Variants in SP4 observed in about 807,000 individuals in gnomAD.
SP4 encodes the protein Sp4 transcription factor.
Under a neutral mutation model 72.8 loss-of-function variants are expected in SP4, and 19 were observed. The ratio of observed to expected loss-of-function variants is 0.26; its 90% CI spans 0.18 to 0.38. SP4 has a LOEUF of 0.38. Among genes scored for constraint, SP4 ranks in the 10% least tolerant of loss-of-function variants. The pLI is 1.00. For missense variants in SP4, 1,008 were observed against 926.3 expected (o/e 1.09, Z -1.14); for synonymous variants, 395 against 333.1 (o/e 1.19, Z -2.02).
chr7:21,454,565 C>T (rs973944285), intron 3 of SP4, among the ~76,000 whole-genome samples: 6 of 152,232 alleles, frequency 3.9e-5, no homozygotes, highest in South Asian at 2.1e-4. Flanking sequence ...AGATAAAAGT[C>T]ATTTTCCTTC....
intron 3 of SP4, among the ~76,000 whole-genome samples, chr7:21,451,665 G>A (rs569201163): frequency 2.6e-5 from 4 of 152,190 alleles, no homozygotes; most frequent in Non-Finnish European, 4.4e-5. Context: ...CTGATGGGCA[G>A]TCTAGGAGTC....
intron 3 of SP4, among the ~76,000 whole-genome samples, chr7:21,440,851 A>AAACAAC (rs779338567): frequency 8.5e-4 from 118 of 138,608 alleles, no homozygotes; most frequent in South Asian, 2.4e-3. Flanking sequence ...CCCTGTCTCA[A>AAACAAC]AACAACAACA....
intron 5 of SP4, among the ~76,000 whole-genome samples, chr7:21,501,342 G>T (rs1056588111): frequency 6.6e-6 from 1 of 151,522 alleles, no homozygotes; most frequent in African/African-American, 2.4e-5. Flanking sequence ...TTCTCACAAA[G>T]TCCCTCCTCT....
intron 3 of SP4, among the ~76,000 whole-genome samples, chr7:21,432,823 G>A (rs2237301): frequency 0.083 from 12,594 of 151,946 alleles, 1,495 homozygotes; most frequent in East Asian, 0.54. Flanking sequence ...GGGAGACCCC[G>A]TCTCTACAAA....
intron 5 of SP4, chr7:21,482,929 G>T (rs1274886374): frequency 5.1e-6 from 1 of 197,088 alleles, no homozygotes; most frequent in Non-Finnish European, 9.2e-6. Flanking sequence ...TGAGGTTATT[G>T]CTAGGGTTTG....
At chr7:21,503,663 G>GCTT in intron 5 of SP4, among the ~76,000 whole-genome samples, 1 of 152,328 alleles carries the variant, frequency 6.6e-6, no homozygotes, top group East Asian at 1.9e-4. Context: ...AAGGGGAAAG[G>GCTT]CTTCTACCCA....
At chr7:21,492,416 A>T (rs568734454) in intron 5 of SP4, among the ~76,000 whole-genome samples, 5 of 152,354 alleles carry the variant, frequency 3.3e-5, no homozygotes, top group African/African-American at 1.2e-4. Flanking sequence ...CTTTTTCAGC[A>T]CCAGCAGGAC....
At chr7:21,507,250 C>T (rs551553723) in intron 5 of SP4, among the ~76,000 whole-genome samples, 1 of 152,336 alleles carries the variant, frequency 6.6e-6, no homozygotes, top group South Asian at 2.1e-4. Flanking sequence ...CAGTCTCTCC[C>T]TGTCCCATGG....
rs899401203 is a variant in SP4, at chr7:21,455,464, G to A, written c.1679-21615G>A. Among the ~76,000 whole-genome samples, 18 of 152,144 alleles carry A rather than the reference G, an allele frequency of 1.2e-4. 1 individual carries two copies. The highest frequency in any genetic ancestry group is 2.9e-5 in the Non-Finnish European group (2 of 68,016). On this transcript the variant is annotated intron_variant, in intron 3 of 5. Transcript: ENST00000222584. ...ACCCATCTGTGAAGAGAGATCAGAG[G>A]AGGAAAAAGAAAAAGAAAGCGTCCC...
chr7:21,442,619 A>G (rs1783297044), intron 3 of SP4, among the ~76,000 whole-genome samples: 3 of 152,352 alleles, frequency 2.0e-5, no homozygotes, highest in Non-Finnish European at 4.4e-5. Flanking sequence ...GGAAAGGGTG[A>G]TAACTGGAGC....
intron 5 of SP4, among the ~76,000 whole-genome samples, chr7:21,504,236 C>T (rs1398934791): frequency 1.3e-5 from 2 of 152,176 alleles, no homozygotes; most frequent in East Asian, 3.9e-4. Context: ...CTTTCTAAAA[C>T]CTGTTTGACC....
chr7:21,502,406 A>G (rs1439344954), intron 5 of SP4, among the ~76,000 whole-genome samples: 1 of 152,080 alleles, frequency 6.6e-6, no homozygotes, highest in Non-Finnish European at 1.5e-5. Flanking sequence ...TTCCCTGTAG[A>G]GAATGAGGGG....
In SP4 at chr7:21,512,459, G is replaced by A. The variant is rs1004340563; in HGVS notation, c.*1190G>A. On this transcript the variant is annotated 3_prime_UTR_variant, in exon 6 of 6. Coordinates refer to ENST00000222584, the MANE Select transcript of SP4 (RefSeq NM_003112.5). ...TAATATATAATAGATATATTATGAA[G>A]CAAAACTTTTATTTTTGAAAAGGCA... The A allele has an allele frequency of 5.9e-5, 9 of 151,614 alleles. No homozygotes were observed. Among genetic ancestry groups the A allele is most frequent in the African/African-American group, 1.7e-4 (7 of 41,276 alleles). 9.4% of individuals were successfully genotyped at this position (151,614 alleles called of 1,614,324 possible). A position where few individuals can be genotyped will look rare whatever the true frequency, so the allele number is the denominator to read the frequency against.
chr7:21,460,988 A>T (rs1413908461), intron 3 of SP4, among the ~76,000 whole-genome samples: 1 of 152,030 alleles, frequency 6.6e-6, no homozygotes, highest in Non-Finnish European at 1.5e-5. Context: ...TGCATTTCCA[A>T]ACCTTGAGCT....
chr7:21,479,486 C>G (rs1784614193), intron 4 of SP4, among the ~76,000 whole-genome samples: 1 of 152,132 alleles, frequency 6.6e-6, no homozygotes, highest in Non-Finnish European at 1.5e-5. Context: ...TTCCATTGAT[C>G]TATATGACTA....
chr7:21,456,658 A>G (rs541782293), intron 3 of SP4, among the ~76,000 whole-genome samples: 39 of 152,348 alleles, frequency 2.6e-4, no homozygotes, highest in Non-Finnish European at 4.1e-4. Context: ...GATTACCCAC[A>G]GGGAAAACAG....
At chr7:21,444,825 C>G (rs566643644) in intron 3 of SP4, among the ~76,000 whole-genome samples, 3 of 152,258 alleles carry the variant, frequency 2.0e-5, no homozygotes, top group East Asian at 3.9e-4. Flanking sequence ...CTTTATAAAA[C>G]AAGTCCGGGT....
chr7:21,475,883 A>G lies in SP4; in HGVS notation c.1679-1196A>G, dbSNP rs183051033. 9.2e-5 allele frequency among the ~76,000 whole-genome samples: 14 copies of G among 152,348 alleles called. No homozygotes were observed. In the East Asian group the frequency reaches 1.2e-3, roughly 13 times the overall value. On this transcript the variant is annotated intron_variant, in intron 3 of 5. Coordinates refer to ENST00000222584, the MANE Select transcript of SP4 (RefSeq NM_003112.5). Reference sequence around the variant, plus strand: ...CTTTCTGAGGTAGAAACATTCTTTCATAAATTGGTATTTTCTTTTCAGTCC... The same window carrying G: ...CTTTCTGAGGTAGAAACATTCTTTCGTAAATTGGTATTTTCTTTTCAGTCC...
intron 3 of SP4, among the ~76,000 whole-genome samples, chr7:21,460,368 G>C (rs1275623636): frequency 6.6e-6 from 1 of 152,086 alleles, no homozygotes; most frequent in Non-Finnish European, 1.5e-5. Flanking sequence ...TCTTAAGGCA[G>C]TGAGTCTGGA....
Sources: allele counts gnomAD v4.1 joint callset (sites outside exome capture counted in the v4.1 genomes callset), GRCh38; gene constraint gnomAD v4.1.1; transcripts MANE v1.5; gene names NCBI Gene and HGNC (gene_info 2026-07-23, HGNC 2026-07-21).